The following DCDC1 variants were observed in gnomAD, a reference collection of about 807,000 sequenced individuals.
DCDC1 encodes the protein doublecortin domain-containing protein 1.
Under a neutral mutation model 178.3 loss-of-function variants are expected in DCDC1, and 200 were observed. The observed-to-expected ratio is 1.12, with a 90% CI of 1.00 to 1.26. The LOEUF (loss-of-function observed/expected upper bound fraction) is 1.26, where lower values mean the gene tolerates loss of function less well. Ranked by LOEUF, DCDC1 falls within the 50% of genes most tolerant of loss-of-function variation. The pLI is 0.00. For missense variants in DCDC1, 1,983 were observed against 1,749.2 expected, an observed-to-expected ratio of 1.13 and a Z score of -2.38; for synonymous variants, 690 against 604.8, an observed-to-expected ratio of 1.14 and a Z score of -2.07.
chr11:31,029,704 C>G (rs1450917290), intron 20 of DCDC1, among the ~76,000 whole-genome samples: 1 of 152,046 alleles, frequency 6.6e-6, no homozygotes, highest in Non-Finnish European at 1.5e-5. Flanking sequence ...ATGATTCTAC[C>G]TGATACTTCT....
At chr11:31,360,154 TA>T (rs1258990730) in intron 1 of DCDC1, among the ~76,000 whole-genome samples, 1 of 152,224 alleles carries the variant, frequency 6.6e-6, no homozygotes, top group Non-Finnish European at 1.5e-5. Flanking sequence ...TCAGAGAAGA[TA>T]CAGCTATTTA....
chr11:31,027,088 C>T lies in DCDC1; in HGVS notation c.2591+37381G>A, dbSNP rs76913298. On this transcript the variant is annotated intron_variant, in intron 20 of 38. Coordinates refer to ENST00000684477, the MANE Select transcript of DCDC1 (RefSeq NM_001387274.1). The stretch of plus-strand genomic sequence containing the variant: ...GTACTAACCAAACCAACATCATTTG[C>T]ATCATTTATGAAATATGGAAGTCAC... Among the ~76,000 whole-genome samples the T allele has an allele frequency of 4.4e-3, 670 of 151,836 alleles. 4 individuals are homozygous for T. The highest frequency in any genetic ancestry group is 0.015 in the African/African-American group (634 of 41,506).
At chr11:31,321,196 C>T (rs1165934795) in intron 3 of DCDC1, among the ~76,000 whole-genome samples, 3 of 43,370 alleles carry the variant, frequency 6.9e-5, no homozygotes, top group African/African-American at 2.9e-4. Flanking sequence ...GTTCGAGCTT[C>T]CCGGCTGCTT....
chr11:30,965,089 T>A (rs1188284600), intron 20 of DCDC1, among the ~76,000 whole-genome samples: 2 of 152,104 alleles, frequency 1.3e-5, no homozygotes, highest in African/African-American at 4.8e-5. Context: ...GTGCAAAGGA[T>A]AAAGCAAACC....
intron 7 of DCDC1, among the ~76,000 whole-genome samples, chr11:31,266,301 C>T (rs1945154125): frequency 6.6e-6 from 1 of 152,044 alleles, no homozygotes; most frequent in Admixed American, 6.6e-5. Context: ...ATTTTACATG[C>T]AACCCTTTGA....
chr11:31,344,571 A>T (rs1449209234), intron 1 of DCDC1, among the ~76,000 whole-genome samples: 1 of 152,192 alleles, frequency 6.6e-6, no homozygotes, highest in Non-Finnish European at 1.5e-5. Flanking sequence ...GGGGATAAAA[A>T]TAGTAACCAC....
At chr11:31,223,467 A>G (rs755726755) in intron 9 of DCDC1, among the ~76,000 whole-genome samples, 2 of 152,210 alleles carry the variant, frequency 1.3e-5, no homozygotes, top group Non-Finnish European at 2.9e-5. Context: ...CATACTGCAT[A>G]CTTTTTTCAT....
At chr11:30,942,147 A>T (rs1354280982) in intron 21 of DCDC1, among the ~76,000 whole-genome samples, 1 of 152,192 alleles carries the variant, frequency 6.6e-6, no homozygotes, top group African/African-American at 2.4e-5. Flanking sequence ...GAATGGAGCA[A>T]CATGGGGCTG....
chr11:30,879,488 C>T (rs1327332804), intron 37 of DCDC1, among the ~76,000 whole-genome samples: 1 of 152,084 alleles, frequency 6.6e-6, no homozygotes, highest in Non-Finnish European at 1.5e-5. Flanking sequence ...TATCCTGGAA[C>T]ATATATAGCT....
At chr11:31,157,372 A>AAAAATATAT (rs71060478) in intron 9 of DCDC1, among the ~76,000 whole-genome samples, 22 of 96,860 alleles carry the variant, frequency 2.3e-4, no homozygotes, top group East Asian at 9.9e-4. Flanking sequence ...AAAAAAAAAA[A>AAAAATATAT]ATATATATAT....
intron 9 of DCDC1, among the ~76,000 whole-genome samples, chr11:31,179,166 CA>C (rs1267731324): frequency 1.3e-5 from 2 of 152,044 alleles, no homozygotes; most frequent in African/African-American, 4.8e-5. Context: ...TGACTGTCAC[CA>C]AAAAGAGAAA....
chr11:31,334,587 ATGT>A (rs1950176244), intron 2 of DCDC1, among the ~76,000 whole-genome samples: 1 of 151,980 alleles, frequency 6.6e-6, no homozygotes, highest in African/African-American at 2.4e-5. Flanking sequence ...CTTTTTGTTG[ATGT>A]TGATGCTATT....
At chr11:31,222,666 C>T (rs1484685083) in intron 9 of DCDC1, among the ~76,000 whole-genome samples, 1 of 152,116 alleles carries the variant, frequency 6.6e-6, no homozygotes, top group Non-Finnish European at 1.5e-5. Context: ...TTAGTATGGT[C>T]AGGTTCTGGT....
chr11:30,864,287 G>T lies in DCDC1; in HGVS notation c.*1086C>A, dbSNP rs950413181. ...CTATAAGTAATTTCACATAACTTTTGGATGTTTCTTCAAACTTGGGATTTG... is the reference window on the plus strand; with the variant it reads ...CTATAAGTAATTTCACATAACTTTTTGATGTTTCTTCAAACTTGGGATTTG... On this transcript the variant is annotated 3_prime_UTR_variant, in exon 39 of 39. Transcript: ENST00000684477. 1 of 152,212 alleles carries T rather than the reference G, an allele frequency of 6.6e-6. No homozygotes were observed. The highest frequency in any genetic ancestry group is 6.5e-5 in the Admixed American group (1 of 15,270). The allele number at this position is 152,212 out of a possible 1,614,324, so 9.4% of individuals were successfully genotyped here.
At chr11:31,306,151 C>A in intron 5 of DCDC1, 81 bp downstream of exon 5, 1 of 1,235,694 alleles carries the variant, frequency 8.1e-7, no homozygotes, top group Admixed American at 3.0e-5. Context: ...AAAATATTAA[C>A]AATAATTTTC....
intron 6 of DCDC1, among the ~76,000 whole-genome samples, chr11:31,304,078 T>C (rs1948300684): frequency 6.6e-6 from 1 of 152,154 alleles, no homozygotes; most frequent in South Asian, 2.1e-4. Flanking sequence ...GACTTGGCTT[T>C]TGAAAAGGAT....
chr11:30,998,641 G>A (rs1951404552), intron 20 of DCDC1, among the ~76,000 whole-genome samples: 1 of 152,122 alleles, frequency 6.6e-6, no homozygotes, highest in African/African-American at 2.4e-5. Flanking sequence ...ATTAATGAAT[G>A]CTAAATTAGT....
intron 25 of DCDC1, among the ~76,000 whole-genome samples, chr11:30,917,710 T>C (rs1945950586): frequency 6.6e-6 from 1 of 152,196 alleles, no homozygotes; most frequent in African/African-American, 2.4e-5. Context: ...TTGCCTTCAG[T>C]GGGATTGTGA....
At chr11:31,197,416 A>G (rs2136401671) in intron 9 of DCDC1, among the ~76,000 whole-genome samples, 1 of 152,252 alleles carries the variant, frequency 6.6e-6, no homozygotes, top group Admixed American at 6.6e-5. Context: ...TACAATGACT[A>G]AATGTAAACT....
Sources: allele counts gnomAD v4.1 joint callset (sites outside exome capture counted in the v4.1 genomes callset), GRCh38; gene constraint gnomAD v4.1.1; transcripts MANE v1.5; gene names NCBI Gene and HGNC (gene_info 2026-07-23, HGNC 2026-07-21).